PAK5: variants seen among roughly 807,000 people sequenced by gnomAD.
PAK5 encodes the protein serine/threonine-protein kinase PAK 5.
In PAK5, 16 loss-of-function variants were observed where a neutral mutation model predicts 65.9. The ratio of observed to expected loss-of-function variants is 0.24; its 90% CI spans 0.16 to 0.37. The LOEUF (loss-of-function observed/expected upper bound fraction) is 0.37. Ranked by LOEUF, PAK5 falls within the 10% of genes least tolerant of loss-of-function variation. PAK5 has a pLI of 1.00. For missense variants in PAK5, 785 were observed against 903.9 expected, an observed-to-expected ratio of 0.87 and a Z score of 1.69; for synonymous variants, 371 against 354.9, an observed-to-expected ratio of 1.05 and a Z score of -0.51.
chr20:9,732,182 A>G (rs2048341406), intron 1 of PAK5, among the ~76,000 whole-genome samples: 1 of 119,386 alleles, frequency 8.4e-6, no homozygotes, highest in African/African-American at 3.1e-5. Context: ...CACTCTTCTG[A>G]AAGTTTAAGT....
At chr20:9,799,528 T>C (rs1447286306) in intron 1 of PAK5, among the ~76,000 whole-genome samples, 1 of 152,102 alleles carries the variant, frequency 6.6e-6, no homozygotes, top group Non-Finnish European at 1.5e-5. Context: ...ATCAGTGATA[T>C]TTCCATTCAC....
At chr20:9,587,840 A>G (rs938654685) in intron 3 of PAK5, among the ~76,000 whole-genome samples, 13 of 152,182 alleles carry the variant, frequency 8.5e-5, no homozygotes, top group Non-Finnish European at 1.8e-4. Context: ...GCTTTTCTGT[A>G]TAAGAAGAGT....
At chr20:9,590,460 A>G (rs1178261103) in intron 3 of PAK5, among the ~76,000 whole-genome samples, 4 of 152,056 alleles carry the variant, frequency 2.6e-5, no homozygotes, top group African/African-American at 9.7e-5. Flanking sequence ...GTGCACCACA[A>G]TGGTAGGGTT....
chr20:9,759,068 T>C (rs182017394), intron 1 of PAK5, among the ~76,000 whole-genome samples: 24 of 152,160 alleles, frequency 1.6e-4, no homozygotes, highest in African/African-American at 5.8e-4. Flanking sequence ...CTAGGAACTC[T>C]TACTGAGAAA....
At chr20:9,593,442 T>TTTTA (rs980687899) in intron 3 of PAK5, among the ~76,000 whole-genome samples, 33 of 152,252 alleles carry the variant, frequency 2.2e-4, no homozygotes, top group South Asian at 1.7e-3. Flanking sequence ...GTGCTTTCCT[T>TTTTA]TTTATTTATT....
chr20:9,641,225 T>C (rs1198726076), intron 3 of PAK5, among the ~76,000 whole-genome samples: 1 of 151,762 alleles, frequency 6.6e-6, no homozygotes, highest in East Asian at 2.0e-4. Flanking sequence ...CCCACAAACC[T>C]TGAGCTAAAC....
chr20:9,605,292 G>A (rs574307154), intron 3 of PAK5, among the ~76,000 whole-genome samples: 1 of 152,318 alleles, frequency 6.6e-6, no homozygotes, highest in East Asian at 1.9e-4. Context: ...CTTGGACACA[G>A]AGCAGAGAGA....
At chr20:9,767,312 A>G (rs575281332) in intron 1 of PAK5, among the ~76,000 whole-genome samples, 85 of 152,328 alleles carry the variant, frequency 5.6e-4, no homozygotes, top group African/African-American at 2.0e-3. Flanking sequence ...GGATCAAATA[A>G]TCAATGAACT....
In PAK5 at chr20:9,837,351, C is replaced by G. The variant is rs564751840; in HGVS notation, c.-162+1411G>C. Among the ~76,000 whole-genome samples the G allele has an allele frequency of 2.0e-5, 3 of 152,318 alleles. 1 individual carries two copies. The South Asian group carries it at 6.2e-4, about 32-fold the overall frequency. ...GATGATACTGACTCATTCTCGCCAC[C>G]TAACAAGACTATAAAAATAAATAGT... On this transcript the variant is annotated intron_variant, in intron 1 of 9. Transcript: ENST00000353224.
intron 2 of PAK5, among the ~76,000 whole-genome samples, chr20:9,658,774 T>C (rs1294182352): frequency 6.6e-6 from 1 of 152,202 alleles, no homozygotes; most frequent in African/African-American, 2.4e-5. Flanking sequence ...AAGCTACCAA[T>C]GTGACATTGC....
intron 2 of PAK5, among the ~76,000 whole-genome samples, chr20:9,657,070 C>T (rs1017484143): frequency 6.6e-6 from 1 of 152,078 alleles, no homozygotes; most frequent in Non-Finnish European, 1.5e-5. Flanking sequence ...TTCCTGTAAC[C>T]ACCAGCACAA....
chr20:9,714,969 C>T (rs1450071953), intron 1 of PAK5, among the ~76,000 whole-genome samples: 1 of 152,162 alleles, frequency 6.6e-6, no homozygotes, highest in East Asian at 1.9e-4. Flanking sequence ...CAATACCATT[C>T]AGGACATAGG....
intron 2 of PAK5, among the ~76,000 whole-genome samples, chr20:9,698,879 T>G (rs2047903476): frequency 6.6e-6 from 1 of 152,234 alleles, no homozygotes; most frequent in Non-Finnish European, 1.5e-5. Flanking sequence ...TAACTTGATT[T>G]TAAAACACAG....
chr20:9,670,635 GT>G (rs2047483622), intron 2 of PAK5, among the ~76,000 whole-genome samples: 1 of 152,086 alleles, frequency 6.6e-6, no homozygotes, highest in Non-Finnish European at 1.5e-5. Context: ...ATTTTCTCTT[GT>G]AAATTTGTTT....
chr20:9,578,089 C>T (rs183594421), intron 4 of PAK5, among the ~76,000 whole-genome samples: 41 of 152,212 alleles, frequency 2.7e-4, no homozygotes, highest in African/African-American at 8.7e-4. Flanking sequence ...GTTGAGTCCC[C>T]GAGATAACAT....
chr20:9,648,666 G>A (rs547306125), intron 2 of PAK5, among the ~76,000 whole-genome samples: 23 of 152,110 alleles, frequency 1.5e-4, no homozygotes, highest in Admixed American at 4.6e-4. Flanking sequence ...TATTATCATC[G>A]CCCTTTCATA....
chr20:9,573,757 G>A (rs1452818133), intron 4 of PAK5, among the ~76,000 whole-genome samples: 3 of 152,206 alleles, frequency 2.0e-5, no homozygotes, highest in African/African-American at 4.8e-5. Flanking sequence ...ACTGGGGTGT[G>A]TGGACACAGC....
intron 3 of PAK5, among the ~76,000 whole-genome samples, chr20:9,631,994 C>T (rs1003662538): frequency 3.3e-5 from 5 of 152,192 alleles, no homozygotes; most frequent in African/African-American, 7.2e-5. Flanking sequence ...ATCTTAGTGT[C>T]CCAATTTCTA....
intron 1 of PAK5, among the ~76,000 whole-genome samples, chr20:9,745,705 A>G (rs971656679): frequency 6.6e-6 from 1 of 152,140 alleles, no homozygotes; most frequent in Non-Finnish European, 1.5e-5. Context: ...AAAAATCTGC[A>G]TTTTAACATG....
Sources: gnomAD v4.1 joint callset for allele counts (sites outside exome capture counted in the v4.1 genomes callset) on GRCh38, gnomAD v4.1.1 for gene constraint, MANE v1.5 for transcripts, NCBI Gene and HGNC (gene_info 2026-07-23, HGNC 2026-07-21) for gene names.